The following CD276 variants were observed in gnomAD, a reference collection of about 807,000 sequenced individuals.
CD276 encodes CD276 molecule.
In CD276, 34 loss-of-function variants were observed where a neutral mutation model predicts 50.0. The ratio of observed to expected loss-of-function variants is 0.68; its 90% CI spans 0.52 to 0.91. The LOEUF (loss-of-function observed/expected upper bound fraction) is 0.91. CD276 is among the 40% of genes least tolerant of loss of function. CD276 has a pLI of 0.00. For synonymous variants in CD276, 275 were observed against 313.0 expected (o/e 0.88, Z 1.28); for missense variants, 634 against 717.5 (o/e 0.88, Z 1.33).
At chr15:73,693,903 G>C (rs1436683741) in intron 1 of CD276, among the ~76,000 whole-genome samples, 2 of 134,616 alleles carry the variant, frequency 1.5e-5, no homozygotes, top group East Asian at 2.7e-4. Flanking sequence ...TGCGGTGGGT[G>C]GGGGGAGGGG....
intron 7 of CD276, among the ~76,000 whole-genome samples, chr15:73,709,204 G>A (rs1900781350): frequency 6.6e-6 from 1 of 152,148 alleles, no homozygotes; most frequent in South Asian, 2.1e-4. Context: ...GCGAGCGGAT[G>A]GGTGAGGTGA....
chr15:73,708,674 A>G, intron 7 of CD276: 1 of 611,270 alleles, frequency 1.6e-6, no homozygotes, highest in East Asian at 2.9e-5. Context: ...GTCCATGTGC[A>G]GATACCACAG....
At chr15:73,694,795 C>T (rs1596006279) in intron 1 of CD276, among the ~76,000 whole-genome samples, 2 of 152,338 alleles carry the variant, frequency 1.3e-5, no homozygotes, top group African/African-American at 4.8e-5. Flanking sequence ...AGGCTGGGAT[C>T]TGCAGTCGTT....
Position 73,702,441 on chromosome 15 carries a change from A to G in CD276, c.266A>G (p.Tyr89Cys), listed in dbSNP as rs544282257. The G allele has an allele frequency of 3.1e-6, 5 of 1,613,770 alleles. No individual in the cohort carries two copies. In the East Asian group the frequency reaches 6.7e-5, roughly 22 times the overall value. The part of the protein sequence containing the change: ...FAEGQDQGSA[Y>C]ANRTALFPDL... ...GAGGGCCAGGACCAGGGCAGCGCCT[A>G]TGCCAACCGCACGGCCCTCTTCCCG... Residue 89 changes from tyrosine (Y) to cysteine (C), a missense_variant, in exon 3 of 10, where the codon TAT becomes TGT. By Grantham distance (194) the Tyr-to-Cys change is radical. Coordinates refer to ENST00000318443, the MANE Select transcript of CD276 (RefSeq NM_001024736.2).
intron 1 of CD276, among the ~76,000 whole-genome samples, chr15:73,697,228 G>A (rs1365254550): frequency 2.0e-5 from 3 of 152,124 alleles, no homozygotes; most frequent in Admixed American, 1.3e-4. Flanking sequence ...CTTTGAGGCC[G>A]GAAGCGTCTG....
chr15:73,712,494 A>G (rs1900943028), intron 9 of CD276, among the ~76,000 whole-genome samples: 1 of 152,184 alleles, frequency 6.6e-6, no homozygotes. Flanking sequence ...AGCCCAAGGG[A>G]AGGAGGAGGG....
intron 1 of CD276, among the ~76,000 whole-genome samples, chr15:73,695,664 G>T (rs1226273403): frequency 1.3e-5 from 2 of 152,190 alleles, no homozygotes; most frequent in Non-Finnish European, 2.9e-5. Context: ...TCCTTCGGTT[G>T]CAGACAATAG....
chr15:73,693,381 C>G (rs1329394947), intron 1 of CD276, among the ~76,000 whole-genome samples: 3 of 152,094 alleles, frequency 2.0e-5, no homozygotes, highest in Non-Finnish European at 4.4e-5. Flanking sequence ...ACACTTAAAC[C>G]TGGATAAAAT....
rs975912708 is a variant in CD276, at chr15:73,687,033, A to T, written c.-55+2573A>T. On this transcript the variant is annotated intron_variant, in intron 1 of 9. Transcript: ENST00000318443. This position sits in a 1 kb window ranked among gnomAD's most constrained non-coding sequence, Gnocchi z 4.0. ...AAGGGGGAGGGCACACCCAGGGCCT[A>T]GGGGAGGGGGAGAGGGGTGAGGACT... Among the ~76,000 whole-genome samples the T allele has an allele frequency of 7.2e-5, 11 of 152,032 alleles. No individual in the cohort carries two copies. Among genetic ancestry groups the T allele is most frequent in the African/African-American group, 2.4e-4 (10 of 41,384 alleles).
At chr15:73,710,885 G>C (rs754192648) in intron 8 of CD276, among the ~76,000 whole-genome samples, 4 of 152,182 alleles carry the variant, frequency 2.6e-5, no homozygotes, top group African/African-American at 9.7e-5. Context: ...AGGGCTCGAG[G>C]GTTGTCCCAT....
At chr15:73,711,207 G>GCA in intron 9 of CD276, 37 bp downstream of exon 9, 2 of 1,606,078 alleles carry the variant, frequency 1.2e-6, no homozygotes, top group South Asian at 1.1e-5. Flanking sequence ...GTCTGTGTAT[G>GCA]CACACATCTG....
At chr15:73,696,170 G>A (rs1809345737) in intron 1 of CD276, among the ~76,000 whole-genome samples, 2 of 152,228 alleles carry the variant, frequency 1.3e-5, no homozygotes, top group South Asian at 2.1e-4. Context: ...GAAGGAGAAG[G>A]ACGAGGAGTG....
chr15:73,693,143 G>A (rs1038785464), intron 1 of CD276, among the ~76,000 whole-genome samples: 10 of 152,166 alleles, frequency 6.6e-5, no homozygotes, highest in Non-Finnish European at 1.3e-4. Flanking sequence ...GGGACAGATG[G>A]TGCTGTGGGC....
At position 73,703,797 on chromosome 15, in the gene CD276, AACAGCTGGTGC is replaced by A; in HGVS notation, c.877_887del (p.Leu293PhefsTer95). The stretch of plus-strand genomic sequence containing the variant: ...CTCATCTGGCAGCTGACAGACACCA[AACAGCTGGTGC>A]ACAGTTTCACCGAAGGCCGGGACCA... On this transcript the variant is annotated frameshift_variant, in exon 5 of 10. Transcript: ENST00000318443. LOFTEE classifies it high-confidence loss of function. The A allele has an allele frequency of 1.2e-6, 2 of 1,613,632 alleles. No individual in the cohort carries two copies. The highest frequency in any genetic ancestry group is 1.7e-6 in the Non-Finnish European group (2 of 1,179,996).
chr15:73,710,710 G>T (rs1042046094), intron 8 of CD276, among the ~76,000 whole-genome samples: 2 of 152,220 alleles, frequency 1.3e-5, no homozygotes, highest in Non-Finnish European at 2.9e-5. Context: ...GATGTAGTTG[G>T]CAGAAGGGAG....
At chr15:73,710,481 A>C (rs1345082225) in intron 8 of CD276, among the ~76,000 whole-genome samples, 2 of 152,202 alleles carry the variant, frequency 1.3e-5, no homozygotes, top group Admixed American at 6.5e-5. Flanking sequence ...GCCGACTCCC[A>C]GGGGATCCTG....
In CD276 at chr15:73,687,579, T is replaced by C. The variant is rs112784791; in HGVS notation, c.-55+3119T>C. 6.6e-6 allele frequency among the ~76,000 whole-genome samples: 1 copy of C among 152,220 alleles called. No individual in the cohort carries two copies. Among genetic ancestry groups the C allele is most frequent in the Non-Finnish European group, 1.5e-5 (1 of 68,028 alleles). On this transcript the variant is annotated intron_variant, in intron 1 of 9. Transcript: ENST00000318443. This position sits in a 1 kb window ranked among gnomAD's most constrained non-coding sequence, Gnocchi z 4.0. Reference sequence around the variant, plus strand: ...CCAGTGACTAGTGGCCTTCACAGCATAGTCAGGGCCTTTGCTGAGAGTTCT... The same window carrying C: ...CCAGTGACTAGTGGCCTTCACAGCACAGTCAGGGCCTTTGCTGAGAGTTCT...
intron 1 of CD276, among the ~76,000 whole-genome samples, chr15:73,693,816 C>T (rs746769813): frequency 8.8e-5 from 13 of 148,374 alleles, no homozygotes; most frequent in Admixed American, 2.8e-4. Context: ...CACCGATGAA[C>T]GCTGTCCAAA....
chr15:73,708,463 GGA>G lies in CD276; in HGVS notation c.1497_1498del (p.Asn500CysfsTer4). The G allele has an allele frequency of 6.2e-7, 1 of 1,613,478 alleles. No homozygotes were observed. The highest frequency in any genetic ancestry group is 8.5e-7 in the Non-Finnish European group (1 of 1,179,790). On this transcript the variant is annotated frameshift_variant, in exon 7 of 10. Transcript: ENST00000318443. LOFTEE classifies it high-confidence loss of function. ...GAAAGATCAAACAGAGCTGTGAGGAGGAGAATGCAGGTGAGTGTGTGTGTATG... is the reference window on the plus strand; with the variant it reads ...GAAAGATCAAACAGAGCTGTGAGGAGGAATGCAGGTGAGTGTGTGTGTATG... ...WRKIKQSCEE[E>X]NAGAEDQDGE...
Sources: allele counts gnomAD v4.1 joint callset (sites outside exome capture counted in the v4.1 genomes callset), GRCh38; gene constraint gnomAD v4.1.1; non-coding constraint Gnocchi (gnomAD v3.1); transcripts MANE v1.5; gene names NCBI Gene and HGNC (gene_info 2026-07-23, HGNC 2026-07-21).